The following SNTG2 variants were observed in gnomAD, a reference collection of about 807,000 sequenced individuals.
SNTG2 encodes gamma-2-syntrophin.
Under a neutral mutation model 70.9 loss-of-function variants are expected in SNTG2, and 74 were observed. The ratio of observed to expected loss-of-function variants is 1.04; its 90% CI spans 0.86 to 1.27. SNTG2 has a LOEUF of 1.27. SNTG2 is among the 50% of genes most tolerant of loss of function. SNTG2 has a pLI of 0.00. For missense variants in SNTG2, 717 were observed against 690.7 expected (o/e 1.04, Z -0.43); for synonymous variants, 278 against 273.8 (o/e 1.02, Z -0.15).
At chr2:1,351,555 G>C (rs1450418695) in intron 16 of SNTG2, among the ~76,000 whole-genome samples, 2 of 152,216 alleles carry the variant, frequency 1.3e-5, no homozygotes, top group South Asian at 4.1e-4. Flanking sequence ...GTAGAAGAAA[G>C]AGGGCACTTG....
At chr2:1,004,576 A>G (rs895989855) in intron 1 of SNTG2, among the ~76,000 whole-genome samples, 1 of 152,202 alleles carries the variant, frequency 6.6e-6, no homozygotes, top group Non-Finnish European at 1.5e-5. Flanking sequence ...TCAATGTCAC[A>G]TGTCAGGGAA....
At chr2:1,156,200 G>T (rs543251309) in intron 6 of SNTG2, among the ~76,000 whole-genome samples, 1 of 152,316 alleles carries the variant, frequency 6.6e-6, no homozygotes, top group African/African-American at 2.4e-5. Flanking sequence ...AGGGAAGGAA[G>T]CCACATAAAG....
intron 16 of SNTG2, among the ~76,000 whole-genome samples, chr2:1,329,396 G>A (rs1224682105): frequency 4.6e-5 from 7 of 152,116 alleles, no homozygotes; most frequent in African/African-American, 1.4e-4. Context: ...GTTCTCCCTG[G>A]CATTAACCAA....
intron 6 of SNTG2, among the ~76,000 whole-genome samples, chr2:1,156,187 T>C (rs1250597794): frequency 6.6e-6 from 1 of 152,110 alleles, no homozygotes; most frequent in Admixed American, 6.5e-5. Context: ...AGGACTACTC[T>C]GAAGGGAAGG....
chr2:1,083,588 C>T lies in SNTG2; in HGVS notation c.143C>T (p.Thr48Met), dbSNP rs186675666. 1,232 of 1,613,644 alleles carry T rather than the reference C, an allele frequency of 7.6e-4. 3 individuals carry two copies. In the African/African-American group the frequency reaches 9.4e-3, roughly 12 times the overall value. ...ENAYDIRLKLTKEVLTIQKQD... is the reference protein window; with the variant it reads ...ENAYDIRLKLMKEVLTIQKQD... The stretch of plus-strand genomic sequence containing the variant: ...GCCTATGACATCCGGCTGAAGCTGA[C>T]GAAAGAGGTGCTGACAATTCAGAAA... The change falls in exon 2 of 17, where the codon ACG (threonine) becomes ATG (methionine). Residue 48 changes from threonine to methionine, a missense_variant. Coordinates refer to ENST00000308624, the MANE Select transcript of SNTG2 (RefSeq NM_018968.4).
chr2:1,367,442 A>C lies in SNTG2; in HGVS notation c.1588A>C (p.Ser530Arg). Residue 530 changes from serine to arginine, a missense_variant, in exon 17 of 17, where the codon AGT becomes CGT. Physicochemically the swap from Ser to Arg is moderately radical, Grantham distance 110. Transcript: ENST00000308624. ...GGACCCCGGCTTCATGGACAGTCAG[A>C]GTCTTGCCAGAAAATACATGTACAG... ...SVDPGFMDSQ[S>R]LARKYMYSS 1 of 1,551,678 alleles carries C rather than the reference A, an allele frequency of 6.4e-7. No homozygotes were observed. Among genetic ancestry groups the C allele is most frequent in the South Asian group, 1.2e-5 (1 of 84,048 alleles).
At chr2:1,243,723 C>G (rs558743651) in intron 11 of SNTG2, among the ~76,000 whole-genome samples, 8 of 152,140 alleles carry the variant, frequency 5.3e-5, no homozygotes, top group Admixed American at 1.3e-4. Flanking sequence ...TTAAGTGTTT[C>G]GTGAACAGAA....
chr2:1,113,422 G>C (rs1187122464), intron 4 of SNTG2, among the ~76,000 whole-genome samples: 1 of 151,364 alleles, frequency 6.6e-6, no homozygotes, highest in Non-Finnish European at 1.5e-5. Context: ...GTCCTTTTAT[G>C]AGAACCATGT....
chr2:1,228,028 T>G (rs2148066320), intron 9 of SNTG2, among the ~76,000 whole-genome samples: 1 of 152,276 alleles, frequency 6.6e-6, no homozygotes, highest in Admixed American at 6.5e-5. Context: ...GTCCAGGCCT[T>G]TCTGCGACTC....
intron 12 of SNTG2, among the ~76,000 whole-genome samples, chr2:1,250,526 CT>C: frequency 6.6e-6 from 1 of 152,166 alleles, no homozygotes; most frequent in African/African-American, 2.4e-5. Context: ...CTGTCGTCTC[CT>C]TCTCTGCCCA....
intron 1 of SNTG2, among the ~76,000 whole-genome samples, chr2:1,047,973 C>A (rs1363746333): frequency 6.6e-6 from 1 of 152,044 alleles, no homozygotes; most frequent in East Asian, 1.9e-4. Context: ...ATAGGAAATT[C>A]CTATCTATTC....
At chr2:1,288,188 T>A (rs988251229) in intron 14 of SNTG2, among the ~76,000 whole-genome samples, 1 of 152,242 alleles carries the variant, frequency 6.6e-6, no homozygotes, top group African/African-American at 2.4e-5. Flanking sequence ...AAGTGTTTTT[T>A]GGGCGGCACT....
intron 13 of SNTG2, among the ~76,000 whole-genome samples, chr2:1,266,414 C>T (rs538127310): frequency 6.8e-4 from 103 of 152,280 alleles, no homozygotes; most frequent in Admixed American, 1.6e-3. Flanking sequence ...TCCGAATCGC[C>T]GAGTGATTAA....
intron 1 of SNTG2, among the ~76,000 whole-genome samples, chr2:998,751 G>T (rs1487507575): frequency 6.6e-6 from 1 of 152,096 alleles, no homozygotes; most frequent in Non-Finnish European, 1.5e-5. Context: ...TCATCTTGCT[G>T]GAGATTTAGA....
chr2:1,240,126 A>C (rs937149405), intron 11 of SNTG2, among the ~76,000 whole-genome samples: 14 of 152,214 alleles, frequency 9.2e-5, no homozygotes, highest in African/African-American at 3.4e-4. Flanking sequence ...CACCTGTGTA[A>C]TTTGAAATTT....
chr2:1,050,068 C>A (rs555472988), intron 1 of SNTG2, among the ~76,000 whole-genome samples: 1 of 151,824 alleles, frequency 6.6e-6, no homozygotes, highest in African/African-American at 2.4e-5. Flanking sequence ...TTATTTTTAC[C>A]GATTTAGGAG....
At chr2:1,201,557 ATGGC>A (rs1673279040) in intron 8 of SNTG2, among the ~76,000 whole-genome samples, 1 of 151,854 alleles carries the variant, frequency 6.6e-6, no homozygotes, top group Non-Finnish European at 1.5e-5. Context: ...CAAATGCTAT[ATGGC>A]TTATGGAGGA....
chr2:1,317,601 G>C (rs1470265967), intron 16 of SNTG2, among the ~76,000 whole-genome samples: 1 of 116,906 alleles, frequency 8.6e-6, no homozygotes. Context: ...GGAGAAGGTT[G>C]GGATTCTGGA....
At chr2:1,243,986 ACTGCACTCCAGCCCG>A (rs1677225727) in intron 11 of SNTG2, among the ~76,000 whole-genome samples, 1 of 152,276 alleles carries the variant, frequency 6.6e-6, no homozygotes, top group South Asian at 2.1e-4. Context: ...AGAGCGTGCC[ACTGCACTCCAGCCCG>A]GGCGACAGAG....
Sources: allele counts gnomAD v4.1 joint callset (sites outside exome capture counted in the v4.1 genomes callset), GRCh38; gene constraint gnomAD v4.1.1; transcripts MANE v1.5; gene names NCBI Gene and HGNC (gene_info 2026-07-23, HGNC 2026-07-21).